The following DNAH12 variants were observed in gnomAD, a reference collection of about 807,000 sequenced individuals.
DNAH12 encodes the protein axonemal beta dynein heavy chain 12.
A neutral mutation model predicts 371.5 loss-of-function variants in DNAH12; 285 were observed. That is an observed-to-expected ratio of 0.77 (90% CI 0.70 to 0.85). The LOEUF (loss-of-function observed/expected upper bound fraction) is 0.85. DNAH12 is among the 40% of genes least tolerant of loss of function. The pLI is 0.00. For missense variants in DNAH12, 3,611 were observed against 3,689.4 expected (o/e 0.98, Z 0.55); for synonymous variants, 1,200 against 1,213.0 (o/e 0.99, Z 0.22).
chr3:57,435,491 T>C (rs1198526636), intron 30 of DNAH12, among the ~76,000 whole-genome samples: 1 of 151,628 alleles, frequency 6.6e-6, no homozygotes, highest in African/African-American at 2.4e-5. Context: ...AGGTCAAGGA[T>C]ACTTCCAGGA....
Position 57,471,535 on chromosome 3 carries a change from T to C in DNAH12, c.1848A>G (p.Ile616Met). Residue 616 changes from isoleucine to methionine, a missense_variant, in exon 15 of 74, where the codon ATA becomes ATG. Coordinates refer to ENST00000495027, the MANE Select transcript of DNAH12 (RefSeq NM_001366028.2). ...CCTCCATGCGGCGTGATTCTTTTTC[T>C]ATTTCCAAAATAAGTTTCTCTCTCT... ...MAKREKLILE[I>M]EKESRRMEEF... is the part of the protein sequence containing the mutation. The C allele has an allele frequency of 6.5e-7, 1 of 1,549,774 alleles. No individual in the cohort carries two copies. The highest frequency in any genetic ancestry group is 8.7e-7 in the Non-Finnish European group (1 of 1,146,640).
chr3:57,441,390 G>GA (rs1386755873), intron 29 of DNAH12, among the ~76,000 whole-genome samples: 2 of 151,904 alleles, frequency 1.3e-5, no homozygotes, highest in East Asian at 3.9e-4. Flanking sequence ...AAACAAAAGA[G>GA]AAAAAAAGAG....
intron 2 of DNAH12, among the ~76,000 whole-genome samples, chr3:57,533,654 A>G (rs1053223877): frequency 2.0e-5 from 3 of 152,190 alleles, no homozygotes; most frequent in Non-Finnish European, 4.4e-5. Flanking sequence ...TCCAGAAGCT[A>G]GGGCCCAGAA....
At chr3:57,549,194 T>C (rs2069599583), upstream of DNAH12, among the ~76,000 whole-genome samples, 1 of 140,194 alleles carries the variant, frequency 7.1e-6, no homozygotes, top group East Asian at 2.2e-4. Flanking sequence ...AGAGTGAGAC[T>C]ATGTTTATAA....
At position 57,322,458 on chromosome 3, in the gene DNAH12, C is replaced by G. The variant is rs1371452345; in HGVS notation, c.10409G>C (p.Gly3470Ala). Reference protein sequence around the residue: ...SKFPVTILQNGVKMTNEPPTG... With the variant: ...SKFPVTILQNAVKMTNEPPTG... ...GGGAGGTTCATTAGTCATTTTTACT[C>G]CATTCTGTAGAATTGTTACTGGGAA... The change falls in exon 65 of 74, where the codon GGA (glycine) becomes GCA (alanine). Residue 3470 changes from glycine (G) to alanine (A), a missense_variant. By Grantham distance (60) the Gly-to-Ala change is moderately conservative. Around this residue, in one of 3 missense-constraint regions of DNAH12, gnomAD observed 2,266 missense variants for 2,236.9 expected, o/e 1.01. Coordinates refer to ENST00000495027, the MANE Select transcript of DNAH12 (RefSeq NM_001366028.2). 15 of 1,551,950 alleles carry G rather than the reference C, an allele frequency of 9.7e-6. No individual in the cohort carries two copies. Among genetic ancestry groups the G allele is most frequent in the Non-Finnish European group, 1.3e-5 (15 of 1,147,050 alleles).
intron 10 of DNAH12, among the ~76,000 whole-genome samples, chr3:57,501,836 C>T (rs1424255829): frequency 6.6e-6 from 1 of 152,172 alleles, no homozygotes; most frequent in Non-Finnish European, 1.5e-5. Flanking sequence ...CTTCTCTCTG[C>T]CTTTGACTTT....
At chr3:57,521,152 A>G (rs895553680) in intron 4 of DNAH12, among the ~76,000 whole-genome samples, 3 of 144,996 alleles carry the variant, frequency 2.1e-5, no homozygotes, top group African/African-American at 7.5e-5. Context: ...CCTAGGCTAG[A>G]TTTTTCTAAA....
At chr3:57,449,465 G>A (rs919538160) in intron 25 of DNAH12, among the ~76,000 whole-genome samples, 11 of 152,342 alleles carry the variant, frequency 7.2e-5, no homozygotes, top group South Asian at 4.1e-4. Context: ...CAGGCATGGC[G>A]GGCTGCAGGT....
chr3:57,427,511 A>C (rs2064814465), intron 34 of DNAH12, among the ~76,000 whole-genome samples: 1 of 152,144 alleles, frequency 6.6e-6, no homozygotes, highest in South Asian at 2.1e-4. Context: ...ACATGGAGAA[A>C]CCATGTCTCT....
chr3:57,328,358 C>G (rs1322878876), intron 62 of DNAH12, among the ~76,000 whole-genome samples: 1 of 104,306 alleles, frequency 9.6e-6, no homozygotes, highest in Non-Finnish European at 2.1e-5. Context: ...AAAGCTTATC[C>G]ACCATGATCA....
At chr3:57,450,403 T>C (rs1429344930) in intron 25 of DNAH12, among the ~76,000 whole-genome samples, 1 of 143,750 alleles carries the variant, frequency 7.0e-6, no homozygotes, top group Non-Finnish European at 1.5e-5. Context: ...ACAAAATTAG[T>C]TGGGCGTGGT....
intron 58 of DNAH12, among the ~76,000 whole-genome samples, chr3:57,358,461 T>G (rs1312085487): frequency 1.3e-5 from 2 of 152,160 alleles, no homozygotes; most frequent in South Asian, 4.1e-4. Flanking sequence ...GAGGTCTGGA[T>G]GTATGTCCTA....
At chr3:57,378,719 C>G (rs2063330114) in intron 52 of DNAH12, among the ~76,000 whole-genome samples, 3 of 152,298 alleles carry the variant, frequency 2.0e-5, no homozygotes, top group Admixed American at 2.0e-4. Context: ...GGTTCTATGT[C>G]AAGGCATGTT....
At chr3:57,392,131 G>C (rs2063636811) in intron 44 of DNAH12, 65 bp from the exon 45 acceptor site, 1 of 150,396 alleles carries the variant, frequency 6.6e-6, no homozygotes, top group Non-Finnish European at 1.5e-5. Context: ...TGAGATTGGT[G>C]GATATTAGAA....
chr3:57,518,952 A>G (rs543740284), intron 4 of DNAH12, among the ~76,000 whole-genome samples: 1 of 152,336 alleles, frequency 6.6e-6, no homozygotes, highest in East Asian at 1.9e-4. Context: ...ACAGCCAGTC[A>G]AGAAAGAGGA....
intron 62 of DNAH12, among the ~76,000 whole-genome samples, chr3:57,324,514 G>C (rs1465442327): frequency 6.6e-6 from 1 of 152,158 alleles, no homozygotes; most frequent in African/African-American, 2.4e-5. Flanking sequence ...GAGTAAGGCA[G>C]ATTGCCCTCC....
chr3:57,396,303 A>AC (rs2063739661), intron 43 of DNAH12, among the ~76,000 whole-genome samples: 6 of 138,810 alleles, frequency 4.3e-5, no homozygotes, highest in Non-Finnish European at 9.6e-5. Context: ...AAAAAAAAAA[A>AC]AAAAAAAGAG....
chr3:57,445,299 T>C lies in DNAH12; in HGVS notation c.4300A>G (p.Arg1434Gly). The C allele has an allele frequency of 5.8e-6, 9 of 1,551,690 alleles. No homozygotes were observed. The highest frequency in any genetic ancestry group is 6.1e-6 in the Non-Finnish European group (7 of 1,146,984). The stretch of plus-strand genomic sequence containing the variant: ...GATGAGAGCTGCTCTGAGCAAAGCC[T>C]ATAGGTCATTACTATTTTCACAGAC... ...PLSVKIVMTY[R>G]LCSEQLSSQF... is the part of the protein sequence containing the mutation. Residue 1434 changes from arginine (R) to glycine (G), a missense_variant, in exon 28 of 74, where the codon AGG becomes GGG. By Grantham distance (125) the Arg-to-Gly change is moderately radical. Around this residue, in one of 3 missense-constraint regions of DNAH12, gnomAD observed 2,266 missense variants for 2,236.9 expected, o/e 1.01. Coordinates refer to ENST00000495027, the MANE Select transcript of DNAH12 (RefSeq NM_001366028.2).
chr3:57,517,505 CT>C, intron 4 of DNAH12, among the ~76,000 whole-genome samples: 1 of 151,582 alleles, frequency 6.6e-6, no homozygotes, highest in Middle Eastern at 3.4e-3. Context: ...GAAAACTAAG[CT>C]TGAATAAAAT....
Sources: gnomAD v4.1 joint callset for allele counts (sites outside exome capture counted in the v4.1 genomes callset) on GRCh38, gnomAD v4.1.1 for gene constraint, gnomAD v4.1.1 regional missense constraint, MANE v1.5 for transcripts, NCBI Gene and HGNC (gene_info 2026-07-23, HGNC 2026-07-21) for gene names.